The following FSHR variants were observed in gnomAD, a reference collection of about 807,000 sequenced individuals.
FSHR encodes follicle-stimulating hormone receptor.
A neutral mutation model predicts 52.1 loss-of-function variants in FSHR; 46 were observed. The ratio of observed to expected loss-of-function variants is 0.88; its 90% CI spans 0.70 to 1.13. FSHR has a LOEUF of 1.13. FSHR is among the 50% of genes most tolerant of loss of function. The pLI, the probability that FSHR is intolerant of heterozygous loss-of-function variation, is 0.00. For missense variants in FSHR, 964 were observed against 834.6 expected (o/e 1.16, Z -1.91); for synonymous variants, 399 against 309.6 (o/e 1.29, Z -3.03).
At chr2:49,012,425 C>A (rs942728502) in intron 4 of FSHR, among the ~76,000 whole-genome samples, 1 of 151,836 alleles carries the variant, frequency 6.6e-6, no homozygotes, top group Admixed American at 6.6e-5. Flanking sequence ...TTTTTCCTAA[C>A]CACTTAAGGT....
Position 49,049,824 on chromosome 2 carries a change from A to AATATATATATAT in FSHR, c.224+18383_224+18394dup, listed in dbSNP as rs5831020. Reference sequence around the variant, plus strand: ...ATCAGACTCATATAGCCCCTACTCTAATATATATATATATATATATATATA... The same window carrying AATATATATATAT: ...ATCAGACTCATATAGCCCCTACTCTAATATATATATATATATATATATATATATATATATATA... On this transcript the variant is annotated intron_variant, in intron 2 of 9. Transcript: ENST00000406846. Among the ~76,000 whole-genome samples the AATATATATATAT allele has an allele frequency of 1.3e-3, 191 of 144,868 alleles. 2 individuals carry two copies. The Middle Eastern group carries it at 0.014, about 11-fold the overall frequency.
chr2:49,154,191 T>C, intron 1 of FSHR, 75 bp downstream of exon 1: 1 of 1,468,858 alleles, frequency 6.8e-7, no homozygotes, highest in Non-Finnish European at 9.5e-7. Flanking sequence ...GATATCAGCC[T>C]AATGTAAAAA....
chr2:48,965,982 G>T (rs1674461553), intron 9 of FSHR, among the ~76,000 whole-genome samples: 2 of 152,004 alleles, frequency 1.3e-5, no homozygotes, highest in African/African-American at 2.4e-5. Flanking sequence ...GTGAACAGAT[G>T]CTTGGGGGTG....
intron 1 of FSHR, among the ~76,000 whole-genome samples, chr2:49,103,946 A>G (rs1671131022): frequency 6.7e-6 from 1 of 149,398 alleles, no homozygotes; most frequent in Non-Finnish European, 1.5e-5. Context: ...CTCAAATGTC[A>G]TGGATTATTG....
chr2:49,049,847 AT>A (rs1263286538), intron 2 of FSHR, among the ~76,000 whole-genome samples: 12 of 145,962 alleles, frequency 8.2e-5, no homozygotes, highest in South Asian at 4.3e-4. Flanking sequence ...ATATATATAT[AT>A]ATAATAAAAA....
chr2:49,039,935 T>C (rs1290922555), intron 2 of FSHR, among the ~76,000 whole-genome samples: 1 of 146,154 alleles, frequency 6.8e-6, no homozygotes. Flanking sequence ...TTTTTTTTTT[T>C]CTATAGCAGG....
At chr2:49,124,379 C>T (rs1029561296) in intron 1 of FSHR, among the ~76,000 whole-genome samples, 6 of 152,060 alleles carry the variant, frequency 3.9e-5, no homozygotes, top group Admixed American at 3.3e-4. Flanking sequence ...TATCAGAAAA[C>T]AAAAATATAA....
chr2:49,077,571 G>A (rs1225109200), intron 1 of FSHR, among the ~76,000 whole-genome samples: 2 of 152,082 alleles, frequency 1.3e-5, no homozygotes, highest in Non-Finnish European at 2.9e-5. Flanking sequence ...GCAAATTTAC[G>A]CAGCCAGCTT....
intron 1 of FSHR, among the ~76,000 whole-genome samples, chr2:49,139,413 G>GTATA (rs1331898779): frequency 6.6e-6 from 1 of 152,054 alleles, no homozygotes. Context: ...CCTTTATTAT[G>GTATA]TATATGCATG....
chr2:49,073,725 T>A (rs1207762686), intron 1 of FSHR, among the ~76,000 whole-genome samples: 1 of 152,050 alleles, frequency 6.6e-6, no homozygotes, highest in Non-Finnish European at 1.5e-5. Context: ...AGATACTGAA[T>A]AACCAAAGCA....
intron 9 of FSHR, among the ~76,000 whole-genome samples, chr2:48,967,475 C>G (rs1674529537): frequency 6.6e-6 from 1 of 152,154 alleles, no homozygotes; most frequent in Non-Finnish European, 1.5e-5. Context: ...CTTTCTCACT[C>G]TGGATAGAAT....
chr2:49,071,615 G>T (rs74490587), intron 1 of FSHR, among the ~76,000 whole-genome samples: 2 of 152,124 alleles, frequency 1.3e-5, no homozygotes, highest in Admixed American at 1.3e-4. Context: ...GAATGTTTTA[G>T]TTCATTTGTG....
At chr2:49,044,221 T>C (rs570225711) in intron 2 of FSHR, among the ~76,000 whole-genome samples, 2 of 152,338 alleles carry the variant, frequency 1.3e-5, no homozygotes, top group South Asian at 2.1e-4. Flanking sequence ...ATAAGTGATA[T>C]GCTGTTTTTT....
intron 1 of FSHR, among the ~76,000 whole-genome samples, chr2:49,077,844 C>A (rs1558427836): frequency 6.6e-6 from 1 of 152,204 alleles, no homozygotes; most frequent in Non-Finnish European, 1.5e-5. Context: ...ACCTTTGTTC[C>A]AGTTACCAAC....
chr2:49,096,266 A>G (rs55840728), intron 1 of FSHR, among the ~76,000 whole-genome samples: 29,623 of 152,172 alleles, frequency 0.19, 3,081 homozygotes, highest in South Asian at 0.26. Flanking sequence ...ACAATGGAAT[A>G]CCACTTGGCC....
chr2:49,005,709 A>G (rs1305792472), intron 4 of FSHR, among the ~76,000 whole-genome samples: 1 of 152,160 alleles, frequency 6.6e-6, no homozygotes, highest in African/African-American at 2.4e-5. Context: ...TCTGTTTTAG[A>G]AATGTGTCCC....
intron 1 of FSHR, among the ~76,000 whole-genome samples, chr2:49,102,647 C>T (rs1671075949): frequency 6.6e-6 from 1 of 152,050 alleles, no homozygotes; most frequent in Non-Finnish European, 1.5e-5. Context: ...ATAGAGTTAA[C>T]ATAGTCCAGT....
At chr2:48,993,361 T>C (rs1675871625) in intron 4 of FSHR, among the ~76,000 whole-genome samples, 1 of 152,208 alleles carries the variant, frequency 6.6e-6, no homozygotes, top group East Asian at 1.9e-4. Flanking sequence ...AGAATTGCTA[T>C]CCATCAATTT....
intron 2 of FSHR, among the ~76,000 whole-genome samples, chr2:49,038,671 T>A (rs1455174810): frequency 2.7e-5 from 4 of 145,928 alleles, no homozygotes; most frequent in Admixed American, 6.9e-5. Context: ...ATAATAATAA[T>A]ACTGGTTTAG....
Sources: gnomAD v4.1 joint callset for allele counts (sites outside exome capture counted in the v4.1 genomes callset) on GRCh38, gnomAD v4.1.1 for gene constraint, MANE v1.5 for transcripts, NCBI Gene and HGNC (gene_info 2026-07-23, HGNC 2026-07-21) for gene names.